PPP1CB: variants seen among roughly 807,000 people sequenced by gnomAD.
The protein encoded by PPP1CB is serine/threonine-protein phosphatase PP1-beta catalytic subunit.
A neutral mutation model predicts 43.7 loss-of-function variants in PPP1CB; 2 were observed. The observed-to-expected ratio is 0.05, with a 90% CI of 0.02 to 0.14. The LOEUF is 0.14. PPP1CB is among the 10% of genes least tolerant of loss of function. The probability of loss-of-function intolerance (pLI) is 1.00; values close to 1 mark genes in which losing one functional copy is unlikely to be tolerated. For synonymous variants in PPP1CB, 136 were observed against 135.6 expected, an observed-to-expected ratio of 1.00 and a Z score of -0.02; for missense variants, 84 against 398.0, an observed-to-expected ratio of 0.21 and a Z score of 6.71.
chr2:28,764,437 G>A (rs1321074533), intron 1 of PPP1CB, among the ~76,000 whole-genome samples: 1 of 149,454 alleles, frequency 6.7e-6, no homozygotes, highest in East Asian at 2.0e-4. Context: ...TCGAGCCTAG[G>A]CAACAGGGCG....
In PPP1CB at chr2:28,751,929, G is replaced by T. The variant is rs541868886; in HGVS notation, c.-196G>T. On this transcript the variant is annotated 5_prime_UTR_variant, in exon 1 of 8. Transcript: ENST00000395366. ...TTGTTTATTTATTTATTTTCCGTGG[G>T]TGCCTCCGAGTGTGCGCGCGCTCTC... 1.6e-6 allele frequency: 1 copy of T among 637,708 alleles called. No individual in the cohort carries two copies. The highest frequency in any genetic ancestry group is 2.8e-5 in the East Asian group (1 of 35,216). The allele number at this position is 637,708 out of a possible 1,614,324, so 39.5% of individuals were successfully genotyped here.
chr2:28,768,759 A>G (rs1348182504), intron 1 of PPP1CB, among the ~76,000 whole-genome samples: 1 of 152,240 alleles, frequency 6.6e-6, no homozygotes, highest in Admixed American at 6.5e-5. Context: ...TCACCAAAAT[A>G]GGATATGCTG....
chr2:28,766,180 T>C (rs1666773981), intron 1 of PPP1CB, among the ~76,000 whole-genome samples: 2 of 152,182 alleles, frequency 1.3e-5, no homozygotes, highest in Non-Finnish European at 2.9e-5. Flanking sequence ...GTGGTTCTTG[T>C]TTAGAAAAAA....
intron 1 of PPP1CB, among the ~76,000 whole-genome samples, chr2:28,754,114 T>C (rs979386078): frequency 2.0e-5 from 3 of 152,200 alleles, no homozygotes; most frequent in Non-Finnish European, 2.9e-5. Context: ...ATTTATATTT[T>C]ATTTCATTTT....
chr2:28,788,861 G>A, intron 6 of PPP1CB, 52 bp downstream of exon 6: 1 of 1,494,904 alleles, frequency 6.7e-7, no homozygotes, highest in South Asian at 1.3e-5. Flanking sequence ...TTTTTTTTGG[G>A]GGCAGACGGA....
intron 1 of PPP1CB, among the ~76,000 whole-genome samples, chr2:28,766,117 G>T (rs964847757): frequency 1.3e-5 from 2 of 152,080 alleles, no homozygotes; most frequent in East Asian, 1.9e-4. Flanking sequence ...TAGATCTGCC[G>T]CAAAATTTAA....
intron 1 of PPP1CB, among the ~76,000 whole-genome samples, chr2:28,759,881 A>G (rs1366947049): frequency 6.6e-6 from 1 of 152,078 alleles, no homozygotes; most frequent in Non-Finnish European, 1.5e-5. Flanking sequence ...GGCCTCCCAA[A>G]GTGTTGGGAT....
At chr2:28,760,324 A>G (rs1666612214) in intron 1 of PPP1CB, among the ~76,000 whole-genome samples, 1 of 152,246 alleles carries the variant, frequency 6.6e-6, no homozygotes. Context: ...TTAAGTAAGC[A>G]AAGGTTAATT....
chr2:28,764,902 C>CA (rs1202146484), intron 1 of PPP1CB, among the ~76,000 whole-genome samples: 1 of 142,644 alleles, frequency 7.0e-6, no homozygotes, highest in Non-Finnish European at 1.5e-5. Flanking sequence ...GCCTGGGTGA[C>CA]AGAGAGACCC....
chr2:28,778,450 T>C, intron 2 of PPP1CB: 1 of 477,516 alleles, frequency 2.1e-6, no homozygotes, highest in Non-Finnish European at 4.3e-6. Flanking sequence ...GGTTGAACTG[T>C]GAAAGGATTC....
intron 1 of PPP1CB, among the ~76,000 whole-genome samples, chr2:28,757,132 T>G (rs1450020259): frequency 6.6e-6 from 1 of 152,198 alleles, no homozygotes; most frequent in African/African-American, 2.4e-5. Flanking sequence ...GCAAGTGAAA[T>G]CATACAATAT....
intron 3 of PPP1CB, among the ~76,000 whole-genome samples, chr2:28,781,005 T>G (rs1667149106): frequency 6.6e-6 from 1 of 152,174 alleles, no homozygotes; most frequent in Non-Finnish European, 1.5e-5. Flanking sequence ...ATGGACAGTT[T>G]CCAGAGGCAC....
chr2:28,772,789 A>T (rs1162189982), intron 1 of PPP1CB, among the ~76,000 whole-genome samples: 1 of 152,162 alleles, frequency 6.6e-6, no homozygotes, highest in Non-Finnish European at 1.5e-5. Context: ...CTGAAATCTG[A>T]AATGCTCCAA....
At chr2:28,776,248 T>G (rs993493327) in intron 1 of PPP1CB, among the ~76,000 whole-genome samples, 2 of 151,540 alleles carry the variant, frequency 1.3e-5, no homozygotes, top group African/African-American at 4.9e-5. Flanking sequence ...TTGTTGTTGT[T>G]TTTTTTCTGT....
At chr2:28,761,793 A>G (rs1666659925) in intron 1 of PPP1CB, among the ~76,000 whole-genome samples, 1 of 152,198 alleles carries the variant, frequency 6.6e-6, no homozygotes, top group Non-Finnish European at 1.5e-5. Flanking sequence ...TAGGTAGGAT[A>G]AAATGGTGAA....
chr2:28,781,235 T>G (rs1213583828), intron 3 of PPP1CB, among the ~76,000 whole-genome samples: 1 of 152,134 alleles, frequency 6.6e-6, no homozygotes, highest in Non-Finnish European at 1.5e-5. Context: ...TGTCAGAAAT[T>G]CTATGTATTT....
chr2:28,762,826 A>G (rs1415066668), intron 1 of PPP1CB, among the ~76,000 whole-genome samples: 1 of 152,242 alleles, frequency 6.6e-6, no homozygotes, highest in Non-Finnish European at 1.5e-5. Context: ...GTATCCAGAA[A>G]TGACATTTGT....
At chr2:28,788,199 A>G (rs1667312021) in intron 5 of PPP1CB, among the ~76,000 whole-genome samples, 1 of 152,200 alleles carries the variant, frequency 6.6e-6, no homozygotes, top group Non-Finnish European at 1.5e-5. Flanking sequence ...AAATATAAAG[A>G]CTTATTAAAA....
At chr2:28,792,865 A>G (rs1454166537) in intron 6 of PPP1CB, among the ~76,000 whole-genome samples, 1 of 152,166 alleles carries the variant, frequency 6.6e-6, no homozygotes, top group African/African-American at 2.4e-5. Context: ...AGACTGAGAG[A>G]AAAATTGTTT....
Sources: allele counts gnomAD v4.1 joint callset (sites outside exome capture counted in the v4.1 genomes callset), GRCh38; gene constraint gnomAD v4.1.1; transcripts MANE v1.5; gene names NCBI Gene and HGNC (gene_info 2026-07-23, HGNC 2026-07-21).